SPAG17: variants seen among roughly 807,000 people sequenced by gnomAD.
SPAG17 encodes the protein sperm-associated antigen 17.
A neutral mutation model predicts 273.6 loss-of-function variants in SPAG17; 169 were observed. The observed-to-expected ratio is 0.62, with a 90% CI of 0.55 to 0.70. The LOEUF (loss-of-function observed/expected upper bound fraction) is 0.70, where lower values mean the gene tolerates loss of function less well. Ranked by LOEUF, SPAG17 falls within the 30% of genes least tolerant of loss-of-function variation. SPAG17 has a pLI of 0.00. For synonymous variants in SPAG17, 825 were observed against 873.2 expected (o/e 0.94, Z 0.97); for missense variants, 2,557 against 2,627.8 (o/e 0.97, Z 0.59).
intron 4 of SPAG17, among the ~76,000 whole-genome samples, chr1:118,111,165 T>C (rs1656733479): frequency 6.6e-6 from 1 of 152,224 alleles, no homozygotes; most frequent in Admixed American, 6.5e-5. Context: ...GTTAAAGATG[T>C]ATGTTTCTTT....
At chr1:118,072,943 T>G (rs989232010) in intron 17 of SPAG17, among the ~76,000 whole-genome samples, 4 of 151,014 alleles carry the variant, frequency 2.6e-5, no homozygotes, top group Non-Finnish European at 5.9e-5. Flanking sequence ...GATCACCGAG[T>G]AAAGTAACAA....
At chr1:118,007,917 A>T in intron 31 of SPAG17, 127 bp downstream of exon 31, 1 of 876,248 alleles carries the variant, frequency 1.1e-6, no homozygotes, top group Non-Finnish European at 1.8e-6. Context: ...CTAAGATGTT[A>T]GTATTATAAG....
intron 4 of SPAG17, among the ~76,000 whole-genome samples, chr1:118,103,840 AGTGTGTGTGT>A (rs60797775): frequency 7.3e-6 from 1 of 136,284 alleles, no homozygotes; most frequent in East Asian, 2.2e-4. Context: ...GGGAAAATGT[AGTGTGTGTGT>A]GTGTGTGTGT....
intron 39 of SPAG17, 40 bp from the exon 40 acceptor site, chr1:117,987,921 T>C: frequency 1.2e-6 from 2 of 1,608,532 alleles, no homozygotes; most frequent in South Asian, 2.2e-5. Context: ...AAAGGGGCAA[T>C]GATTTCAGCT....
intron 32 of SPAG17, among the ~76,000 whole-genome samples, chr1:118,000,063 T>C (rs1274830258): frequency 2.6e-5 from 4 of 152,016 alleles, no homozygotes; most frequent in Admixed American, 6.6e-5. Flanking sequence ...TTTCCCAGCA[T>C]CATTATTAAA....
intron 3 of SPAG17, 78 bp downstream of exon 3, chr1:118,150,465 A>G: frequency 1.4e-6 from 1 of 739,770 alleles, no homozygotes; most frequent in Non-Finnish European, 2.1e-6. Context: ...AATGAAATTT[A>G]AAAATGGCTA....
chr1:118,102,029 T>C, intron 4 of SPAG17, 103 bp from the exon 5 acceptor site: 2 of 975,932 alleles, frequency 2.0e-6, no homozygotes, highest in Non-Finnish European at 3.1e-6. Context: ...ATCACTTGTA[T>C]ACTCTTTATT....
intron 13 of SPAG17, among the ~76,000 whole-genome samples, chr1:118,082,837 G>A (rs1432392452): frequency 5.3e-5 from 8 of 152,214 alleles, no homozygotes; most frequent in Admixed American, 5.2e-4. Flanking sequence ...CTGGGGGAAA[G>A]TGACTGAGGA....
chr1:118,052,614 A>G (rs1371052786), intron 20 of SPAG17, among the ~76,000 whole-genome samples: 1 of 152,098 alleles, frequency 6.6e-6, no homozygotes, highest in Non-Finnish European at 1.5e-5. Flanking sequence ...TGATTTAGCC[A>G]TTTTATAATA....
At chr1:118,156,469 A>G (rs913991160) in intron 1 of SPAG17, among the ~76,000 whole-genome samples, 3 of 152,194 alleles carry the variant, frequency 2.0e-5, no homozygotes, top group Non-Finnish European at 4.4e-5. Context: ...GTCCTTTAGG[A>G]GGAGAATACA....
chr1:118,102,006 T>G lies in SPAG17; in HGVS notation c.448-80A>C. On this transcript the variant is annotated intron_variant, in intron 4 of 48. Transcript: ENST00000336338. Reference sequence around the variant, plus strand: ...TTTCTACTGCCAGGTGAATTAATTCTTCATCTCATTCAATCACTTGTATAC... The same window carrying G: ...TTTCTACTGCCAGGTGAATTAATTCGTCATCTCATTCAATCACTTGTATAC... 3.5e-6 allele frequency: 4 copies of G among 1,144,124 alleles called. 1 individual carries two copies. Among genetic ancestry groups the G allele is most frequent in the Non-Finnish European group, 3.8e-6 (3 of 789,496 alleles). 70.9% of individuals were successfully genotyped at this position (1,144,124 alleles called of 1,614,324 possible). A position where few individuals can be genotyped will look rare whatever the true frequency, so the allele number is the denominator to read the frequency against.
At chr1:118,010,362 C>A (rs1356777941) in intron 30 of SPAG17, among the ~76,000 whole-genome samples, 1 of 152,072 alleles carries the variant, frequency 6.6e-6, no homozygotes, top group East Asian at 1.9e-4. Flanking sequence ...AACAGCAAAA[C>A]AGACACATAG....
At chr1:118,099,403 A>C (rs1388197472) in intron 6 of SPAG17, among the ~76,000 whole-genome samples, 1 of 152,248 alleles carries the variant, frequency 6.6e-6, no homozygotes, top group Non-Finnish European at 1.5e-5. Flanking sequence ...GATACAGGGG[A>C]TATAAATACA....
Position 117,957,273 on chromosome 1 carries a change from A to G in SPAG17, c.*1-3224T>C, listed in dbSNP as rs1054392341. 2.5e-5 allele frequency: 37 copies of G among 1,476,946 alleles called. No individual in the cohort carries two copies. The Middle Eastern group carries it at 8.9e-4, about 36-fold the overall frequency. 91.5% of individuals were successfully genotyped at this position (1,476,946 alleles called of 1,614,324 possible). ...TAGTACCTTAACTGAAGCTGTCAAC[A>G]CTTTGGGATTAAGAAATAGTATGCC... is the stretch of plus-strand genomic sequence containing the variant. On this transcript the variant is annotated intron_variant, in intron 48 of 48. Transcript: ENST00000336338.
intron 3 of SPAG17, among the ~76,000 whole-genome samples, chr1:118,141,745 A>T (rs1257168962): frequency 6.6e-6 from 1 of 152,198 alleles, no homozygotes; most frequent in Non-Finnish European, 1.5e-5. Flanking sequence ...GCAGTGTGAA[A>T]ATCATCTTTT....
At chr1:118,164,843 C>T (rs1660088596) in intron 1 of SPAG17, among the ~76,000 whole-genome samples, 1 of 152,232 alleles carries the variant, frequency 6.6e-6, no homozygotes, top group Non-Finnish European at 1.5e-5. Context: ...AATTTCTTCA[C>T]ATAAATGGGA....
At chr1:118,121,204 A>G (rs1657401333) in intron 3 of SPAG17, among the ~76,000 whole-genome samples, 1 of 152,152 alleles carries the variant, frequency 6.6e-6, no homozygotes, top group Non-Finnish European at 1.5e-5. Context: ...GAGGATAAGC[A>G]TCAGAGAGGG....
At chr1:118,125,245 A>ATATATATATT (rs146004766) in intron 3 of SPAG17, among the ~76,000 whole-genome samples, 2,778 of 150,782 alleles carry the variant, frequency 0.018, 90 homozygotes, top group African/African-American at 0.064. Flanking sequence ...ATATATATAT[A>ATATATATATT]TTTTTGACAT....
chr1:118,068,009 A>C (rs1177552893), intron 17 of SPAG17, among the ~76,000 whole-genome samples: 1 of 152,156 alleles, frequency 6.6e-6, no homozygotes, highest in Non-Finnish European at 1.5e-5. Flanking sequence ...TTCCTTTGCC[A>C]ATCAACAATA....
Sources: gnomAD v4.1 joint callset for allele counts (sites outside exome capture counted in the v4.1 genomes callset) on GRCh38, gnomAD v4.1.1 for gene constraint, MANE v1.5 for transcripts, NCBI Gene and HGNC (gene_info 2026-07-23, HGNC 2026-07-21) for gene names.